The following OLFM2 variants were observed in gnomAD, a reference collection of about 807,000 sequenced individuals.
OLFM2 encodes olfactomedin 2, also known as noelin-2.
OLFM2 carries 20 observed loss-of-function variants against 43.9 expected under a neutral mutation model. That is an observed-to-expected ratio of 0.46 (90% confidence interval 0.32 to 0.66). The LOEUF (loss-of-function observed/expected upper bound fraction) is 0.66, where lower values mean the gene tolerates loss of function less well. Ranked by LOEUF, OLFM2 falls within the 30% of genes least tolerant of loss-of-function variation. The pLI is 0.04. For missense variants in OLFM2, 416 were observed against 643.6 expected (o/e 0.65, Z 3.83); for synonymous variants, 268 against 278.6 (o/e 0.96, Z 0.38).
intron 1 of OLFM2, among the ~76,000 whole-genome samples, chr19:9,867,503 C>T (rs1433842069): frequency 6.6e-6 from 1 of 152,136 alleles, no homozygotes; most frequent in African/African-American, 2.4e-5. Flanking sequence ...AGAGAGCAAG[C>T]GCCTGCCTCT....
chr19:9,905,661 T>C (rs1224032503), intron 1 of OLFM2, among the ~76,000 whole-genome samples: 2 of 151,748 alleles, frequency 1.3e-5, no homozygotes, highest in African/African-American at 2.4e-5. Flanking sequence ...TCAACCTTCT[T>C]GAGCCACTAG....
At chr19:9,858,359 CCTT>C (rs1459919730) in intron 2 of OLFM2, among the ~76,000 whole-genome samples, 1 of 151,964 alleles carries the variant, frequency 6.6e-6, no homozygotes, top group Non-Finnish European at 1.5e-5. Flanking sequence ...ATGGCTGGCT[CCTT>C]CTCATCCTTC....
chr19:9,868,902 C>T (rs1007377011), intron 1 of OLFM2, among the ~76,000 whole-genome samples: 2 of 151,498 alleles, frequency 1.3e-5, no homozygotes, highest in African/African-American at 4.9e-5. Flanking sequence ...CGCCACTACA[C>T]TCCAGCCTGC....
intron 1 of OLFM2, among the ~76,000 whole-genome samples, chr19:9,925,468 C>CT (rs915516159): frequency 6.6e-6 from 1 of 151,940 alleles, no homozygotes; most frequent in African/African-American, 2.4e-5. Context: ...AATACTTTTT[C>CT]TTTTTTGAGA....
chr19:9,893,093 T>C (rs984928577), intron 1 of OLFM2, among the ~76,000 whole-genome samples: 3 of 152,162 alleles, frequency 2.0e-5, no homozygotes, highest in Non-Finnish European at 2.9e-5. Flanking sequence ...GTTAAGCCTT[T>C]GTCTGTCCAA....
At chr19:9,906,291 C>T (rs745858471) in intron 1 of OLFM2, among the ~76,000 whole-genome samples, 3 of 151,172 alleles carry the variant, frequency 2.0e-5, no homozygotes, top group Non-Finnish European at 4.4e-5. Flanking sequence ...CAGGAGGCTG[C>T]GGGCACACAG....
intron 1 of OLFM2, among the ~76,000 whole-genome samples, chr19:9,918,381 G>A (rs1347321325): frequency 2.0e-5 from 3 of 151,860 alleles, no homozygotes; most frequent in Admixed American, 6.6e-5. Flanking sequence ...CTGTAGAGAT[G>A]GGGTCTCACT....
At chr19:9,865,963 G>A (rs1392411148) in intron 1 of OLFM2, among the ~76,000 whole-genome samples, 2 of 152,076 alleles carry the variant, frequency 1.3e-5, no homozygotes, top group Non-Finnish European at 2.9e-5. Flanking sequence ...CCGGTTCAAC[G>A]TAATTAACAT....
At chr19:9,902,382 CTT>C (rs376869987) in intron 1 of OLFM2, among the ~76,000 whole-genome samples, 20 of 122,614 alleles carry the variant, frequency 1.6e-4, no homozygotes, top group Non-Finnish European at 1.0e-4. Flanking sequence ...TTGCCTTCAT[CTT>C]TTTTTTTTTT....
At chr19:9,858,216 GCTGGTC>G in intron 2 of OLFM2, 1 of 373,020 alleles carries the variant, frequency 2.7e-6, no homozygotes, top group South Asian at 2.2e-5. Flanking sequence ...TCCTGTGCTG[GCTGGTC>G]CTGCCCACCC....
chr19:9,904,008 T>G (rs1363250107), intron 1 of OLFM2, among the ~76,000 whole-genome samples: 1 of 152,130 alleles, frequency 6.6e-6, no homozygotes, highest in Non-Finnish European at 1.5e-5. Flanking sequence ...GGCACTACAC[T>G]GAGGGCTGCA....
At chr19:9,915,669 C>T (rs981618483) in intron 1 of OLFM2, among the ~76,000 whole-genome samples, 4 of 152,086 alleles carry the variant, frequency 2.6e-5, no homozygotes, top group Non-Finnish European at 5.9e-5. Context: ...AGGCACCCAC[C>T]ACCACGCCCG....
intron 1 of OLFM2, among the ~76,000 whole-genome samples, chr19:9,876,050 A>C (rs1046164392): frequency 2.6e-5 from 4 of 152,202 alleles, no homozygotes; most frequent in African/African-American, 9.6e-5. Flanking sequence ...CCCGCCACCG[A>C]GGTCCCTACT....
intron 1 of OLFM2, among the ~76,000 whole-genome samples, chr19:9,865,029 A>C (rs1485495411): frequency 1.3e-5 from 2 of 151,892 alleles, no homozygotes; most frequent in East Asian, 3.9e-4. Flanking sequence ...GGATACCTGC[A>C]CTTAAATCCT....
chr19:9,854,681 T>C lies in OLFM2; in HGVS notation c.870A>G (p.Lys290=), dbSNP rs748179445. Residue 290 remains lysine, a synonymous_variant, in exon 6 of 6, where the codon AAA becomes AAG. Coordinates refer to ENST00000264833, the MANE Select transcript of OLFM2 (RefSeq NM_058164.4). This position sits in a 1 kb window ranked among gnomAD's most constrained non-coding sequence, Gnocchi z 9.5. ...YNKYQSNVVV[K]YHFRSRSVLV... is the part of the protein sequence containing the mutation. ...GCACAGAGCGCGAGCGGAAGTGGTA[T>C]TTGACCACCACGTTGCTCTGGTACT... 13 of 1,614,098 alleles carry C rather than the reference T, an allele frequency of 8.1e-6. No homozygotes were observed. Among genetic ancestry groups the C allele is most frequent in the East Asian group, 4.5e-5 (2 of 44,884 alleles).
intron 1 of OLFM2, among the ~76,000 whole-genome samples, chr19:9,884,974 C>T (rs956226129): frequency 7.9e-5 from 12 of 152,192 alleles, no homozygotes; most frequent in African/African-American, 2.9e-4. Context: ...CTGCTCTCTT[C>T]CTCCTTCCTC....
intron 1 of OLFM2, among the ~76,000 whole-genome samples, chr19:9,873,676 G>A (rs1320770076): frequency 5.3e-5 from 8 of 151,750 alleles, no homozygotes; most frequent in East Asian, 1.9e-4. Flanking sequence ...CCCCCAGGCC[G>A]TGTCCCACAT....
intron 1 of OLFM2, among the ~76,000 whole-genome samples, chr19:9,879,698 G>A (rs948091583): frequency 4.6e-5 from 7 of 152,106 alleles, no homozygotes; most frequent in African/African-American, 1.4e-4. Flanking sequence ...GCGCCACCAC[G>A]CCTGGCTAAG....
chr19:9,888,116 C>A (rs1391411745), intron 1 of OLFM2, among the ~76,000 whole-genome samples: 1 of 152,120 alleles, frequency 6.6e-6, no homozygotes, highest in Non-Finnish European at 1.5e-5. Flanking sequence ...ACTGTTCCTG[C>A]AAAACCCCAA....
Sources: gnomAD v4.1 joint callset for allele counts (sites outside exome capture counted in the v4.1 genomes callset) on GRCh38, gnomAD v4.1.1 for gene constraint, Gnocchi (gnomAD v3.1) non-coding constraint, MANE v1.5 for transcripts, NCBI Gene and HGNC (gene_info 2026-07-23, HGNC 2026-07-21) for gene names.